Variants in ELMOD1 observed in about 807,000 individuals in gnomAD.
ELMOD1 encodes the protein ELMO domain containing 1.
A neutral mutation model predicts 46.7 loss-of-function variants in ELMOD1; 21 were observed. That is an observed-to-expected ratio of 0.45 (90% CI 0.32 to 0.65). ELMOD1 has a LOEUF of 0.65. Among genes scored for constraint, ELMOD1 ranks in the 30% least tolerant of loss-of-function variants. ELMOD1 has a pLI of 0.04. For missense variants in ELMOD1, 348 were observed against 407.8 expected (o/e 0.85, Z 1.26); for synonymous variants, 122 against 138.2 (o/e 0.88, Z 0.82).
At chr11:107,603,991 A>G (rs1454746344) in intron 1 of ELMOD1, among the ~76,000 whole-genome samples, 1 of 152,220 alleles carries the variant, frequency 6.6e-6, no homozygotes, top group African/African-American at 2.4e-5. Context: ...AGCCACAAAA[A>G]GGGCCTTTTA....
At chr11:107,663,594 G>A (rs1464046362) in intron 11 of ELMOD1, among the ~76,000 whole-genome samples, 1 of 152,106 alleles carries the variant, frequency 6.6e-6, no homozygotes, top group African/African-American at 2.4e-5. Flanking sequence ...GCTTAACAAT[G>A]CAATGAGACA....
chr11:107,662,801 C>T (rs936187822), intron 11 of ELMOD1, among the ~76,000 whole-genome samples: 5 of 151,672 alleles, frequency 3.3e-5, no homozygotes, highest in Middle Eastern at 6.8e-3. Context: ...GGCACACGCT[C>T]GAATTGCTTG....
chr11:107,652,780 A>G (rs898002637), intron 9 of ELMOD1, among the ~76,000 whole-genome samples: 3 of 152,186 alleles, frequency 2.0e-5, no homozygotes, highest in Non-Finnish European at 4.4e-5. Context: ...GTTATTTTGA[A>G]TTATAGCCAT....
chr11:107,607,783 A>G (rs1407591772), intron 1 of ELMOD1, among the ~76,000 whole-genome samples: 1 of 152,228 alleles, frequency 6.6e-6, no homozygotes, highest in Non-Finnish European at 1.5e-5. Context: ...AGAGAAAACT[A>G]CAAACATTAT....
At chr11:107,658,304 C>G (rs533794755) in intron 11 of ELMOD1, among the ~76,000 whole-genome samples, 1 of 152,108 alleles carries the variant, frequency 6.6e-6, no homozygotes, top group South Asian at 2.1e-4. Flanking sequence ...GAACAATGTG[C>G]ATGTATAACT....
chr11:107,592,901 C>T (rs1471072393), intron 1 of ELMOD1: 1 of 152,822 alleles, frequency 6.5e-6, no homozygotes, highest in East Asian at 1.9e-4. Context: ...GCAGAAAAAG[C>T]CTGCTTTTCT....
Position 107,635,631 on chromosome 11 carries a change from C to A in ELMOD1, c.291-5C>A. 1.2e-6 allele frequency: 2 copies of A among 1,612,188 alleles called. No individual in the cohort carries two copies. The highest frequency in any genetic ancestry group is 2.2e-5 in the South Asian group (2 of 90,708). On this transcript the variant is annotated splice_region_variant and splice_polypyrimidine_tract_variant and intron_variant, in intron 5 of 11. Coordinates refer to ENST00000265840, the MANE Select transcript of ELMOD1 (RefSeq NM_018712.4). Reference sequence around the variant, plus strand: ...GTGTGTCTCTTCTGTTTTTGAACACCCTAGGCTGGGAATCTCTCTTCAGGC... The same window carrying A: ...GTGTGTCTCTTCTGTTTTTGAACACACTAGGCTGGGAATCTCTCTTCAGGC...
intron 2 of ELMOD1, among the ~76,000 whole-genome samples, chr11:107,619,803 A>G (rs919667339): frequency 3.9e-5 from 6 of 152,232 alleles, no homozygotes; most frequent in Non-Finnish European, 8.8e-5. Context: ...ACCAAGGGTT[A>G]CAGAACCAAC....
At chr11:107,594,966 T>C (rs1003009888) in intron 1 of ELMOD1, among the ~76,000 whole-genome samples, 1 of 152,222 alleles carries the variant, frequency 6.6e-6, no homozygotes, top group African/African-American at 2.4e-5. Flanking sequence ...CACATACATG[T>C]GTGTCTTTGA....
chr11:107,662,637 T>C (rs1157950855), intron 11 of ELMOD1, among the ~76,000 whole-genome samples: 3 of 149,186 alleles, frequency 2.0e-5, no homozygotes, highest in Admixed American at 6.7e-5. Flanking sequence ...AAAAAAACTT[T>C]TTGTAAGCCA....
intron 1 of ELMOD1, among the ~76,000 whole-genome samples, chr11:107,607,599 G>A (rs1240925750): frequency 1.3e-5 from 2 of 152,212 alleles, no homozygotes; most frequent in Non-Finnish European, 2.9e-5. Context: ...CCAGGCCACA[G>A]TGAGCTGTGA....
chr11:107,636,256 A>G (rs1435118194), intron 6 of ELMOD1, among the ~76,000 whole-genome samples: 1 of 152,212 alleles, frequency 6.6e-6, no homozygotes, highest in Non-Finnish European at 1.5e-5. Flanking sequence ...AAAGGTTTAT[A>G]TTTGGCACAC....
chr11:107,602,392 T>A (rs1006062155), intron 1 of ELMOD1, among the ~76,000 whole-genome samples: 8 of 152,176 alleles, frequency 5.3e-5, no homozygotes, highest in African/African-American at 1.9e-4. Context: ...GTTTCCTGTA[T>A]TATTTCTTTG....
chr11:107,635,295 G>A (rs909255951), intron 5 of ELMOD1, among the ~76,000 whole-genome samples: 2 of 152,040 alleles, frequency 1.3e-5, no homozygotes, highest in African/African-American at 2.4e-5. Flanking sequence ...GTTTTGTTTT[G>A]GTAGAGATAG....
intron 6 of ELMOD1, among the ~76,000 whole-genome samples, chr11:107,640,235 G>A (rs1866298729): frequency 6.6e-6 from 1 of 152,062 alleles, no homozygotes; most frequent in African/African-American, 2.4e-5. Context: ...AGCATAATGG[G>A]CTTTCATCTT....
chr11:107,615,864 T>G (rs1452053904), intron 1 of ELMOD1, among the ~76,000 whole-genome samples: 1 of 152,000 alleles, frequency 6.6e-6, no homozygotes, highest in Non-Finnish European at 1.5e-5. Context: ...GGGTTATATG[T>G]TTGGGGGAGT....
chr11:107,661,538 ACT>A (rs1362963994), intron 11 of ELMOD1, among the ~76,000 whole-genome samples: 1 of 152,184 alleles, frequency 6.6e-6, no homozygotes, highest in East Asian at 1.9e-4. Context: ...TGGAAACCTG[ACT>A]CTATGTACAA....
intron 1 of ELMOD1, among the ~76,000 whole-genome samples, chr11:107,616,675 G>A (rs555201383): frequency 6.6e-6 from 1 of 152,232 alleles, no homozygotes; most frequent in Non-Finnish European, 1.5e-5. Flanking sequence ...CAGGGTGCCT[G>A]GCCTGCTCCA....
intron 1 of ELMOD1, among the ~76,000 whole-genome samples, chr11:107,616,541 G>T (rs1330301652): frequency 6.6e-6 from 1 of 151,902 alleles, no homozygotes; most frequent in African/African-American, 2.4e-5. Context: ...ACCACACCCA[G>T]CCAATTTCTG....
Sources: allele counts gnomAD v4.1 joint callset (sites outside exome capture counted in the v4.1 genomes callset), GRCh38; gene constraint gnomAD v4.1.1; transcripts MANE v1.5; gene names NCBI Gene and HGNC (gene_info 2026-07-23, HGNC 2026-07-21).